C2CD2: variants seen among roughly 807,000 people sequenced by gnomAD.
C2CD2 encodes the protein C2 calcium dependent domain containing 2.
In C2CD2, 43 loss-of-function variants were observed where a neutral mutation model predicts 74.3. The ratio of observed to expected loss-of-function variants is 0.58; its 90% CI spans 0.45 to 0.75. C2CD2 has a LOEUF of 0.75. C2CD2 is among the 30% of genes least tolerant of loss of function. The probability of loss-of-function intolerance (pLI) is 0.00; values close to 1 mark genes in which losing one functional copy is unlikely to be tolerated. For synonymous variants in C2CD2, 422 were observed against 390.7 expected (o/e 1.08, Z -0.94); for missense variants, 801 against 916.3 (o/e 0.87, Z 1.63).
In C2CD2 at chr21:41,899,297, G is replaced by A. The variant is rs763709304; in HGVS notation, c.1626C>T (p.Thr542=). The A allele has an allele frequency of 6.2e-7, 1 of 1,611,278 alleles. No homozygotes were observed. Among genetic ancestry groups the A allele is most frequent in the Non-Finnish European group, 8.5e-7 (1 of 1,179,982 alleles). ...MQGYTASVDS[T]HQEDAPSHPE... ...GATGGGATGGGGCGTCCTCCTGGTGGGTGCTGTCCACAGAGGCCGTGTAGC... is the reference window on the plus strand; with the variant it reads ...GATGGGATGGGGCGTCCTCCTGGTGAGTGCTGTCCACAGAGGCCGTGTAGC... Residue 542 remains threonine (T), a synonymous_variant, in exon 13 of 14, where the codon ACC becomes ACT. Transcript: ENST00000380486. The surrounding 1 kb of genome is among the most constrained non-coding windows in gnomAD (Gnocchi z 4.4).
chr21:41,901,683 G>A lies in C2CD2; in HGVS notation c.1499C>T (p.Ser500Leu), dbSNP rs1231945284. The change falls in exon 12 of 14, where the codon TCA (serine) becomes TTA (leucine). Residue 500 changes from serine (S) to leucine (L), a missense_variant. Coordinates refer to ENST00000380486, the MANE Select transcript of C2CD2 (RefSeq NM_015500.2). ...CCGTGGCGACTTGAGTTTCAGCTTTGAAGATTCACTGAGCTGTCGAATGGC... is the reference window on the plus strand; with the variant it reads ...CCGTGGCGACTTGAGTTTCAGCTTTAAAGATTCACTGAGCTGTCGAATGGC... ...EVAIRQLSES[S>L]KLKLKSPRKK... 3 of 1,613,928 alleles carry A rather than the reference G, an allele frequency of 1.9e-6. No individual in the cohort carries two copies. The highest frequency in any genetic ancestry group is 2.7e-5 in the African/African-American group (2 of 74,918).
chr21:41,906,897 C>T (rs1414874198), intron 10 of C2CD2, 95 bp downstream of exon 10: 10 of 900,778 alleles, frequency 1.1e-5, no homozygotes, highest in Admixed American at 4.3e-5. Context: ...TAACACTCGG[C>T]GCTGCAGGCT....
chr21:41,948,728 T>C (rs1358035796), intron 1 of C2CD2, among the ~76,000 whole-genome samples: 1 of 152,082 alleles, frequency 6.6e-6, no homozygotes, highest in African/African-American at 2.4e-5. Flanking sequence ...GTCAAGGAGT[T>C]TGGACTTCGT....
chr21:41,892,603 G>T lies in C2CD2; in HGVS notation c.1871-3259C>A, dbSNP rs1319328313. 6.6e-5 allele frequency among the ~76,000 whole-genome samples: 10 copies of T among 152,216 alleles called. No individual in the cohort carries two copies. Among genetic ancestry groups the T allele is most frequent in the African/African-American group, 2.4e-4 (10 of 41,450 alleles). Reference sequence around the variant, plus strand: ...CAACAGGCCTCTAAGGACAACAGGCGTGCAGGCCCTTCCTGGAGAATCTGG... The same window carrying T: ...CAACAGGCCTCTAAGGACAACAGGCTTGCAGGCCCTTCCTGGAGAATCTGG... On this transcript the variant is annotated intron_variant, in intron 13 of 13. Coordinates refer to ENST00000380486, the MANE Select transcript of C2CD2 (RefSeq NM_015500.2). The surrounding 1 kb of genome is among the most constrained non-coding windows in gnomAD (Gnocchi z 4.6).
At chr21:41,913,029 C>G (rs561722492) in intron 6 of C2CD2, among the ~76,000 whole-genome samples, 2 of 152,224 alleles carry the variant, frequency 1.3e-5, no homozygotes, top group Non-Finnish European at 2.9e-5. Flanking sequence ...TGGCCACAAG[C>G]GTGGGCTCCC....
chr21:41,938,925 G>A (rs1184761703), intron 2 of C2CD2, among the ~76,000 whole-genome samples: 1 of 152,010 alleles, frequency 6.6e-6, no homozygotes, highest in Non-Finnish European at 1.5e-5. Flanking sequence ...TGTATATTTA[G>A]TAGAGATGGG....
chr21:41,897,939 G>A (rs887200275), intron 13 of C2CD2, among the ~76,000 whole-genome samples: 2 of 152,192 alleles, frequency 1.3e-5, no homozygotes, highest in African/African-American at 2.4e-5. Context: ...ACTAGATGCC[G>A]ACTGCACCCC....
Position 41,909,373 on chromosome 21 carries a change from C to T in C2CD2, c.1018+86G>A, listed in dbSNP as rs558377332. 25 of 878,666 alleles carry T rather than the reference C, an allele frequency of 2.8e-5. No individual in the cohort carries two copies. The African/African-American group carries it at 3.6e-4, about 13-fold the overall frequency. The allele number at this position is 878,666 out of a possible 1,614,324, so 54.4% of individuals were successfully genotyped here. On this transcript the variant is annotated intron_variant, in intron 8 of 13. Transcript: ENST00000380486. ...GAGGGGTCAGCTTCCTCTGCTGGATCTCCCACCGCCCTTTTCCTGAGGCCG... is the reference window on the plus strand; with the variant it reads ...GAGGGGTCAGCTTCCTCTGCTGGATTTCCCACCGCCCTTTTCCTGAGGCCG...
rs983733520 is a variant in C2CD2 at position 41,924,525 on chromosome 21, T to C, written c.379-2440A>G. Among the ~76,000 whole-genome samples, 14 of 152,122 alleles carry C rather than the reference T, an allele frequency of 9.2e-5. No individual in the cohort carries two copies. Among genetic ancestry groups the C allele is most frequent in the Non-Finnish European group, 1.5e-4 (10 of 68,022 alleles). On this transcript the variant is annotated intron_variant, in intron 2 of 13. Transcript: ENST00000380486. This position sits in a 1 kb window ranked among gnomAD's most constrained non-coding sequence, Gnocchi z 4.4. ...TTCACAAAGGGCCAGAACAAAAAAA[T>C]GTTTGTATAAGAAATGTTGTCTATT...
rs1469665990 is a variant in C2CD2, at chr21:41,905,802, T to G, written c.1354A>C (p.Ile452Leu). ...GCCTGGACAGAGATGTCCTTCTCGA[T>G]CACCTTCACCTTGATGGGAGTCTTC... is the stretch of plus-strand genomic sequence containing the variant. ...PVKTPIKVKV[I>L]EKDISVQAIA... The change falls in exon 11 of 14, where the codon ATC becomes CTC. Residue 452 changes from isoleucine to leucine, a missense_variant. Coordinates refer to ENST00000380486, the MANE Select transcript of C2CD2 (RefSeq NM_015500.2). The G allele has an allele frequency of 1.9e-6, 3 of 1,609,588 alleles. No individual in the cohort carries two copies. Among genetic ancestry groups the G allele is most frequent in the Non-Finnish European group, 2.6e-6 (3 of 1,176,000 alleles).
intron 11 of C2CD2, among the ~76,000 whole-genome samples, chr21:41,902,024 T>C (rs909103878): frequency 6.6e-6 from 1 of 152,182 alleles, no homozygotes; most frequent in Non-Finnish European, 1.5e-5. Context: ...ACGGGCCAGA[T>C]TTTTCCTATG....
chr21:41,940,033 G>T (rs1344612688), intron 2 of C2CD2, among the ~76,000 whole-genome samples: 1 of 152,194 alleles, frequency 6.6e-6, no homozygotes. Flanking sequence ...GGGCCAATGT[G>T]ATGCTCGAAG....
chr21:41,943,765 G>A (rs1438363249), intron 1 of C2CD2, among the ~76,000 whole-genome samples: 3 of 152,226 alleles, frequency 2.0e-5, no homozygotes, highest in East Asian at 1.9e-4. Flanking sequence ...AAAGGGGACA[G>A]AACATTTTGA....
chr21:41,938,635 G>A (rs1367208092), intron 2 of C2CD2, among the ~76,000 whole-genome samples: 1 of 152,102 alleles, frequency 6.6e-6, no homozygotes, highest in Non-Finnish European at 1.5e-5. Context: ...CCACTAAGAA[G>A]TGGACTCATA....
At chr21:41,916,097 T>C (rs1355855005) in intron 5 of C2CD2, among the ~76,000 whole-genome samples, 1 of 152,110 alleles carries the variant, frequency 6.6e-6, no homozygotes, top group Non-Finnish European at 1.5e-5. Context: ...GAGCTGAGGG[T>C]GCTGGAGCCC....
intron 11 of C2CD2, among the ~76,000 whole-genome samples, chr21:41,902,226 G>C (rs1276562937): frequency 6.6e-6 from 1 of 152,198 alleles, no homozygotes; most frequent in African/African-American, 2.4e-5. Context: ...GGAAGATTTT[G>C]AACTTTGAAA....
intron 8 of C2CD2, chr21:41,908,751 G>A (rs2064994182): frequency 6.6e-6 from 1 of 152,178 alleles, no homozygotes; most frequent in Admixed American, 6.5e-5. Context: ...ATTTTGGTAT[G>A]TTTATGGGGA....
At chr21:41,910,195 A>G (rs964196506) in intron 7 of C2CD2, among the ~76,000 whole-genome samples, 14 of 152,098 alleles carry the variant, frequency 9.2e-5, no homozygotes, top group Non-Finnish European at 1.6e-4. Flanking sequence ...ACAGAGCAAC[A>G]TCATGTTGGA....
chr21:41,953,665 G>T lies in C2CD2; in HGVS notation c.-17C>A. The stretch of plus-strand genomic sequence containing the variant: ...CATGGCCATGGCGCATCCCCGGCCC[G>T]CCTCGCCCCAACTTCCCCGGCAGCC... On this transcript the variant is annotated 5_prime_UTR_variant, in exon 1 of 14. Transcript: ENST00000380486. The T allele has an allele frequency of 7.2e-7, 1 of 1,393,078 alleles. No homozygotes were observed. 86.3% of individuals were successfully genotyped at this position (1,393,078 alleles called of 1,614,324 possible). A position where few individuals can be genotyped will look rare whatever the true frequency, so the allele number is the denominator to read the frequency against.
Sources: gnomAD v4.1 joint callset for allele counts (sites outside exome capture counted in the v4.1 genomes callset) on GRCh38, gnomAD v4.1.1 for gene constraint, Gnocchi (gnomAD v3.1) non-coding constraint, MANE v1.5 for transcripts, NCBI Gene and HGNC (gene_info 2026-07-23, HGNC 2026-07-21) for gene names.